Variants in DIS3L2 observed in about 807,000 individuals in gnomAD.
The protein encoded by DIS3L2 is DIS3-like exonuclease 2.
DIS3L2 carries 34 observed loss-of-function variants against 97.5 expected under a neutral mutation model. The observed-to-expected ratio is 0.35, with a 90% CI of 0.27 to 0.46. The LOEUF is 0.46. Among genes scored for constraint, DIS3L2 ranks in the 20% least tolerant of loss-of-function variants. The pLI, the probability that DIS3L2 is intolerant of heterozygous loss-of-function variation, is 1.00. For synonymous variants in DIS3L2, 435 were observed against 445.2 expected, an observed-to-expected ratio of 0.98 and a Z score of 0.29; for missense variants, 1,038 against 1,146.0, an observed-to-expected ratio of 0.91 and a Z score of 1.36.
rs535770826 is a variant in DIS3L2, at chr2:232,214,947, C to T, written c.1204+4542C>T. ...TTGAACTTACAGGGTTACCCTAGCC[C>T]GGCCTTAGAAATGAATGAATGGGAA... On this transcript the variant is annotated intron_variant, in intron 10 of 20. Coordinates refer to ENST00000325385, the MANE Select transcript of DIS3L2 (RefSeq NM_152383.5). Among the ~76,000 whole-genome samples, 21 of 152,190 alleles carry T rather than the reference C, an allele frequency of 1.4e-4. No individual in the cohort carries two copies. In the South Asian group the frequency reaches 1.7e-3, roughly 12 times the overall value.
At chr2:232,025,172 A>G (rs1694623589) in intron 4 of DIS3L2, among the ~76,000 whole-genome samples, 1 of 152,160 alleles carries the variant, frequency 6.6e-6, no homozygotes, top group South Asian at 2.1e-4. Context: ...AAATGTCATT[A>G]TTACAGATTG....
chr2:232,213,660 A>AT (rs1692252412), intron 10 of DIS3L2, among the ~76,000 whole-genome samples: 1 of 64,502 alleles, frequency 1.6e-5, no homozygotes, highest in African/African-American at 6.0e-5. Context: ...TATCATCTGT[A>AT]GTTTTTTTTT....
intron 1 of DIS3L2, among the ~76,000 whole-genome samples, chr2:231,982,038 G>A (rs116546594): frequency 7.9e-4 from 115 of 145,750 alleles, no homozygotes; most frequent in Non-Finnish European, 6.6e-4. Context: ...CTCTCAAAAA[G>A]AAAAAAAAAA....
intron 16 of DIS3L2, among the ~76,000 whole-genome samples, chr2:232,332,178 C>G (rs569261654): frequency 1.2e-4 from 18 of 151,680 alleles, no homozygotes; most frequent in Admixed American, 1.2e-3. Context: ...CAACCTCACC[C>G]AGGTCATCTG....
intron 14 of DIS3L2, among the ~76,000 whole-genome samples, chr2:232,305,955 AG>A (rs1440890174): frequency 6.6e-6 from 1 of 151,426 alleles, no homozygotes; most frequent in African/African-American, 2.4e-5. Context: ...ACCCCATCTC[AG>A]AAAAAAAAAA....
At chr2:232,270,835 C>T (rs530175305) in intron 13 of DIS3L2, among the ~76,000 whole-genome samples, 1 of 152,140 alleles carries the variant, frequency 6.6e-6, no homozygotes, top group African/African-American at 2.4e-5. Flanking sequence ...GGAGCTCTGG[C>T]GCACTCGCGC....
At chr2:232,066,932 A>G (rs2106282265) in intron 5 of DIS3L2, among the ~76,000 whole-genome samples, 1 of 152,208 alleles carries the variant, frequency 6.6e-6, no homozygotes. Context: ...GCTGTTCATA[A>G]TATTCTTTTA....
chr2:232,108,673 A>C lies in DIS3L2; in HGVS notation c.601+20952A>C, dbSNP rs187334521. Among the ~76,000 whole-genome samples, 401 of 152,344 alleles carry C rather than the reference A, an allele frequency of 2.6e-3. 2 individuals are homozygous for C. The highest frequency in any genetic ancestry group is 9.0e-3 in the African/African-American group (376 of 41,568). ...CTAGAAAACCTCATAGTGTCAGCCC[A>C]AAAGCTTCTTAAGCTGATAAGCAAC... On this transcript the variant is annotated intron_variant, in intron 6 of 20. Transcript: ENST00000325385.
chr2:231,982,683 ATT>A (rs111376702), intron 1 of DIS3L2, among the ~76,000 whole-genome samples: 6 of 142,526 alleles, frequency 4.2e-5, no homozygotes, highest in Admixed American at 7.1e-5. Context: ...TTATTCAAGC[ATT>A]TTTTTTTTTT....
chr2:232,133,875 C>A (rs1410385437), intron 7 of DIS3L2, among the ~76,000 whole-genome samples: 5 of 150,106 alleles, frequency 3.3e-5, no homozygotes, highest in African/African-American at 7.4e-5. Flanking sequence ...GTAATCCCAG[C>A]TACTGGGGAG....
At chr2:232,257,220 G>A (rs987877230) in intron 12 of DIS3L2, among the ~76,000 whole-genome samples, 2 of 152,164 alleles carry the variant, frequency 1.3e-5, no homozygotes, top group African/African-American at 4.8e-5. Context: ...TGGCCCTAGT[G>A]TGAGGACTGG....
At chr2:231,972,984 A>C (rs1273151634) in intron 1 of DIS3L2, among the ~76,000 whole-genome samples, 1 of 152,188 alleles carries the variant, frequency 6.6e-6, no homozygotes, top group Non-Finnish European at 1.5e-5. Flanking sequence ...ACTGGTTTGA[A>C]CTGTGTTTTG....
intron 14 of DIS3L2, among the ~76,000 whole-genome samples, chr2:232,323,128 T>C (rs1354355755): frequency 6.6e-6 from 1 of 152,210 alleles, no homozygotes; most frequent in East Asian, 1.9e-4. Context: ...GAGAGGCTTA[T>C]GTGTCAACAC....
rs146135013 is a variant in DIS3L2, at chr2:232,084,310, T to C, written c.367-3177T>C. Among the ~76,000 whole-genome samples the C allele has an allele frequency of 5.4e-3, 821 of 152,272 alleles. 5 individuals carry two copies. The highest frequency in any genetic ancestry group is 0.017 in the African/African-American group (716 of 41,556). ...TTCTTATCCAAAATAAGGTCCTTTT[T>C]GGGACCAGAAGTGTTTTTTTTGGGT... On this transcript the variant is annotated intron_variant, in intron 5 of 20. Transcript: ENST00000325385.
At chr2:232,041,249 C>T (rs892129999) in intron 5 of DIS3L2, among the ~76,000 whole-genome samples, 1 of 152,142 alleles carries the variant, frequency 6.6e-6, no homozygotes, top group African/African-American at 2.4e-5. Context: ...CTGTTCAAGG[C>T]AGAGTCAAAG....
chr2:232,079,599 C>CAAAAAAAAAAAA (rs760870721), intron 5 of DIS3L2, among the ~76,000 whole-genome samples: 1 of 29,628 alleles, frequency 3.4e-5, no homozygotes, highest in Admixed American at 4.9e-4. Flanking sequence ...GACTCTATCT[C>CAAAAAAAAAAAA]AAAAAAAAAA....
intron 16 of DIS3L2, 88 bp from the exon 17 acceptor site, chr2:232,333,752 C>T (rs901813684): frequency 1.2e-5 from 18 of 1,486,098 alleles, no homozygotes; most frequent in South Asian, 2.7e-5. Flanking sequence ...ACATCGCTGC[C>T]GACGGTGAGG....
chr2:232,118,117 C>G (rs1268300253), intron 6 of DIS3L2, among the ~76,000 whole-genome samples: 1 of 152,230 alleles, frequency 6.6e-6, no homozygotes, highest in African/African-American at 2.4e-5. Flanking sequence ...CCTCCGCTGC[C>G]TGCTCCATGG....
Position 232,343,406 on chromosome 2 carries a change from A to AT in DIS3L2, c.1644dup (p.Ala549CysfsTer13). On this transcript the variant is annotated frameshift_variant, in exon 14 of 14. Coordinates refer to the DIS3L2 transcript ENST00000273009. LOFTEE classifies it high-confidence loss of function. The stretch of plus-strand genomic sequence containing the variant: ...GCCTCTCACAGCCCCTCTGCTGAAG[A>AT]TGCAGAAGCACAGCCCTCCACAGAG... 6.4e-7 allele frequency: 1 copy of AT among 1,556,778 alleles called. No homozygotes were observed. Among genetic ancestry groups the AT allele is most frequent in the Non-Finnish European group, 8.7e-7 (1 of 1,150,380 alleles).
Sources: gnomAD v4.1 joint callset for allele counts (sites outside exome capture counted in the v4.1 genomes callset) on GRCh38, gnomAD v4.1.1 for gene constraint, MANE v1.5 for transcripts, NCBI Gene and HGNC (gene_info 2026-07-23, HGNC 2026-07-21) for gene names.